Variants in KAZN observed in about 807,000 individuals in gnomAD.
The protein encoded by KAZN is kazrin, periplakin interacting protein.
In KAZN, 40 loss-of-function variants were observed where a neutral mutation model predicts 87.4. The ratio of observed to expected loss-of-function variants is 0.46; its 90% confidence interval spans 0.36 to 0.60. The LOEUF is 0.60. KAZN is among the 20% of genes least tolerant of loss of function. The probability of loss-of-function intolerance (pLI) is 0.00; values close to 1 mark genes in which losing one functional copy is unlikely to be tolerated. For missense variants in KAZN, 898 were observed against 1,073.9 expected (o/e 0.84, Z 2.29); for synonymous variants, 466 against 458.3 (o/e 1.02, Z -0.22).
intron 2 of KAZN, among the ~76,000 whole-genome samples, chr1:14,440,404 C>T (rs768426609): frequency 2.6e-4 from 39 of 152,242 alleles, no homozygotes; most frequent in Middle Eastern, 3.4e-3. Context: ...CATGAAGGAT[C>T]GGGCGTGTTC....
intron 1 of KAZN, among the ~76,000 whole-genome samples, chr1:14,883,325 A>AAAAGCGGTTCTT (rs1653566917): frequency 2.0e-4 from 8 of 39,572 alleles, no homozygotes; most frequent in African/African-American, 4.4e-4. Flanking sequence ...AGAAAGAGAG[A>AAAAGCGGTTCTT]GAGAGAGAGA....
chr1:14,070,101 G>A (rs1279010268), intron 1 of KAZN, among the ~76,000 whole-genome samples: 6 of 146,696 alleles, frequency 4.1e-5, no homozygotes, highest in African/African-American at 1.3e-4. Context: ...CCTGAGAAAC[G>A]GAGGTTGCAG....
At chr1:14,554,578 A>G (rs1673744630) in intron 2 of KAZN, among the ~76,000 whole-genome samples, 1 of 152,310 alleles carries the variant, frequency 6.6e-6, no homozygotes, top group Middle Eastern at 3.4e-3. Flanking sequence ...CCTCCTCAAC[A>G]TCATCATTTC....
chr1:14,916,124 A>T (rs1657783841), intron 1 of KAZN, among the ~76,000 whole-genome samples: 1 of 150,928 alleles, frequency 6.6e-6, no homozygotes, highest in Non-Finnish European at 1.5e-5. Context: ...GTGCTATGTA[A>T]ATGTTTGCCA....
chr1:14,731,593 A>C (rs755030406), intron 1 of KAZN, among the ~76,000 whole-genome samples: 1 of 152,204 alleles, frequency 6.6e-6, no homozygotes, highest in Non-Finnish European at 1.5e-5. Flanking sequence ...CAGCTGCCTG[A>C]AGCTACCATA....
intron 1 of KAZN, among the ~76,000 whole-genome samples, chr1:13,987,299 TC>T (rs1029717166): frequency 6.6e-6 from 1 of 152,116 alleles, no homozygotes; most frequent in Admixed American, 6.5e-5. Flanking sequence ...CAGGTATTTG[TC>T]CTAATGCTCT....
intron 2 of KAZN, among the ~76,000 whole-genome samples, chr1:14,283,984 A>G (rs946875746): frequency 4.6e-5 from 7 of 152,180 alleles, no homozygotes; most frequent in Non-Finnish European, 1.0e-4. Context: ...CATTATGCTA[A>G]GTGAAATAAC....
chr1:14,978,595 C>G (rs1665908273), intron 2 of KAZN, among the ~76,000 whole-genome samples: 1 of 152,158 alleles, frequency 6.6e-6, no homozygotes, highest in Admixed American at 6.5e-5. Flanking sequence ...GGTTCTTCTT[C>G]CCACTCTTCT....
At chr1:14,454,736 G>A (rs1667472761) in intron 2 of KAZN, among the ~76,000 whole-genome samples, 1 of 152,220 alleles carries the variant, frequency 6.6e-6, no homozygotes, top group Non-Finnish European at 1.5e-5. Context: ...TCTCTGGACT[G>A]TGAAGGTGTT....
At chr1:14,739,812 C>T (rs1054081923) in intron 1 of KAZN, among the ~76,000 whole-genome samples, 1 of 151,244 alleles carries the variant, frequency 6.6e-6, no homozygotes, top group South Asian at 2.1e-4. Context: ...GATCTGTCTG[C>T]CCACGTGCAA....
chr1:14,696,903 T>G (rs1350285228), intron 1 of KAZN, among the ~76,000 whole-genome samples: 1 of 151,128 alleles, frequency 6.6e-6, no homozygotes, highest in Non-Finnish European at 1.5e-5. Flanking sequence ...TGAACAGGAG[T>G]CAAGTAAATG....
intron 2 of KAZN, among the ~76,000 whole-genome samples, chr1:14,285,335 C>T (rs950925191): frequency 6.6e-6 from 1 of 152,202 alleles, no homozygotes; most frequent in Non-Finnish European, 1.5e-5. Context: ...ACTAGACATT[C>T]TCCTCACATC....
chr1:14,635,393 C>G (rs545557200), intron 1 of KAZN, among the ~76,000 whole-genome samples: 34 of 152,340 alleles, frequency 2.2e-4, no homozygotes, highest in African/African-American at 7.7e-4. Flanking sequence ...CCAAAAATGT[C>G]TCCAGACATT....
chr1:14,304,266 A>C (rs918882389), intron 2 of KAZN, among the ~76,000 whole-genome samples: 1 of 152,208 alleles, frequency 6.6e-6, no homozygotes, highest in Admixed American at 6.5e-5. Context: ...ACCGATGTTC[A>C]ACTTTCATCC....
chr1:14,952,090 C>T (rs1435219351), intron 1 of KAZN, among the ~76,000 whole-genome samples: 1 of 152,176 alleles, frequency 6.6e-6, no homozygotes, highest in African/African-American at 2.4e-5. Context: ...ACATGGCATC[C>T]ACCTGCTCAG....
intron 1 of KAZN, among the ~76,000 whole-genome samples, chr1:13,970,221 G>A (rs1353150359): frequency 6.6e-6 from 1 of 152,174 alleles, no homozygotes; most frequent in African/African-American, 2.4e-5. Flanking sequence ...TCTTATGATG[G>A]CAGAAAGTGA....
At chr1:13,925,245 G>A (rs975213329) in intron 1 of KAZN, among the ~76,000 whole-genome samples, 9 of 152,220 alleles carry the variant, frequency 5.9e-5, no homozygotes, top group African/African-American at 1.2e-4. Flanking sequence ...GATACAATCC[G>A]TGTTCCTGCA....
chr1:14,489,534 G>C (rs1361457251), intron 2 of KAZN, among the ~76,000 whole-genome samples: 1 of 152,032 alleles, frequency 6.6e-6, no homozygotes, highest in Non-Finnish European at 1.5e-5. Context: ...AGGAGTTCAA[G>C]AGCAGCCTGG....
chr1:14,992,528 T>C (rs755419024), intron 2 of KAZN, among the ~76,000 whole-genome samples: 45 of 152,364 alleles, frequency 3.0e-4, no homozygotes, highest in Non-Finnish European at 6.0e-4. Context: ...TCCAGGGCTG[T>C]TGGCCACCGC....
Sources: gnomAD v4.1 joint callset for allele counts (sites outside exome capture counted in the v4.1 genomes callset) on GRCh38, gnomAD v4.1.1 for gene constraint, MANE v1.5 for transcripts, NCBI Gene and HGNC (gene_info 2026-07-23, HGNC 2026-07-21) for gene names.